The following PPP2R2C variants were observed in gnomAD, a reference collection of about 807,000 sequenced individuals.
PPP2R2C encodes protein phosphatase 2, regulatory subunit B, gamma.
In PPP2R2C, 10 loss-of-function variants were observed where a neutral mutation model predicts 45.3. The ratio of observed to expected loss-of-function variants is 0.22; its 90% CI spans 0.14 to 0.37. The LOEUF (loss-of-function observed/expected upper bound fraction) is 0.37, where lower values mean the gene tolerates loss of function less well. Among genes scored for constraint, PPP2R2C ranks in the 10% least tolerant of loss-of-function variants. The pLI, the probability that PPP2R2C is intolerant of heterozygous loss-of-function variation, is 1.00. For synonymous variants in PPP2R2C, 257 were observed against 245.4 expected (o/e 1.05, Z -0.44); for missense variants, 308 against 619.7 (o/e 0.50, Z 5.34).
At chr4:6,369,620 T>C (rs1240104036) in intron 5 of PPP2R2C, among the ~76,000 whole-genome samples, 1 of 152,172 alleles carries the variant, frequency 6.6e-6, no homozygotes, top group Non-Finnish European at 1.5e-5. Flanking sequence ...GCCTGCACCA[T>C]CCACAGTGCC....
At chr4:6,395,149 C>T (rs768515288) in intron 1 of PPP2R2C, among the ~76,000 whole-genome samples, 1 of 152,130 alleles carries the variant, frequency 6.6e-6, no homozygotes, top group Non-Finnish European at 1.5e-5. Flanking sequence ...CATCCGATGG[C>T]CCTCCCTAAA....
chr4:6,360,445 A>G (rs927276607), intron 5 of PPP2R2C, among the ~76,000 whole-genome samples: 8 of 152,246 alleles, frequency 5.3e-5, no homozygotes, highest in Non-Finnish European at 1.0e-4. Flanking sequence ...CACCGATTTC[A>G]CCGAGCACAG....
At chr4:6,483,149 T>A (rs73207869) in intron 2 of PPP2R2C, among the ~76,000 whole-genome samples, 53,295 of 129,166 alleles carry the variant, frequency 0.41, 10,314 homozygotes, top group Admixed American at 0.5. Flanking sequence ...ATAGATTGAT[T>A]GATTGATAGA....
rs10606346 is a variant in PPP2R2C at position 6,321,668 on chromosome 4, CA to C, written c.*1633del. ...TGTAAAAAACAAAACAAAACAAAAC[CA>C]AAAAAAAAGTTTGGATTTGGCTGGG... On this transcript the variant is annotated 3_prime_UTR_variant, in exon 9 of 9. Coordinates refer to ENST00000382599, the MANE Select transcript of PPP2R2C (RefSeq NM_020416.4). 71,938 of 151,514 alleles carry C rather than the reference CA, an allele frequency of 0.47. 17,962 individuals are homozygous for C. The highest frequency in any genetic ancestry group is 0.85 in the East Asian group (4,352 of 5,128). 9.4% of individuals were successfully genotyped at this position (151,514 alleles called of 1,614,324 possible).
At chr4:6,461,691 T>G (rs1009536632) in intron 1 of PPP2R2C, among the ~76,000 whole-genome samples, 5 of 152,176 alleles carry the variant, frequency 3.3e-5, no homozygotes, top group African/African-American at 1.2e-4. Flanking sequence ...GCCCCTGGAA[T>G]GTGGGGATTT....
At chr4:6,485,486 G>A (rs906544581) in intron 2 of PPP2R2C, among the ~76,000 whole-genome samples, 14 of 151,792 alleles carry the variant, frequency 9.2e-5, no homozygotes, top group Non-Finnish European at 1.5e-4. Context: ...CATCAGTAAC[G>A]TCATCTGGGC....
chr4:6,447,639 G>A (rs1243348813), intron 1 of PPP2R2C, among the ~76,000 whole-genome samples: 2 of 150,732 alleles, frequency 1.3e-5, no homozygotes, highest in African/African-American at 4.9e-5. Flanking sequence ...TTAATGAAAA[G>A]GAGGAAACTG....
chr4:6,351,027 A>G lies in PPP2R2C; in HGVS notation c.626-3017T>C, dbSNP rs1016380009. On this transcript the variant is annotated intron_variant, in intron 5 of 8. Coordinates refer to ENST00000382599, the MANE Select transcript of PPP2R2C (RefSeq NM_020416.4). ...AACTTTTCAAAGTATGTAGGAGGCC[A>G]GGCACCAGAGCTCACACCTGTAATC... 5 of 985,252 alleles carry G rather than the reference A, an allele frequency of 5.1e-6. No homozygotes were observed. The African/African-American group carries it at 8.7e-5, about 17-fold the overall frequency. 61.0% of individuals were successfully genotyped at this position (985,252 alleles called of 1,614,324 possible). A position where few individuals can be genotyped will look rare whatever the true frequency, so the allele number is the denominator to read the frequency against.
chr4:6,454,569 C>T (rs866676151), intron 1 of PPP2R2C, among the ~76,000 whole-genome samples: 16 of 152,312 alleles, frequency 1.1e-4, no homozygotes, highest in Middle Eastern at 6.8e-3. Context: ...ATCAGTCCAC[C>T]CACCAGCTTG....
chr4:6,409,685 C>A (rs555431491), intron 1 of PPP2R2C, among the ~76,000 whole-genome samples: 2 of 152,274 alleles, frequency 1.3e-5, no homozygotes, highest in African/African-American at 4.8e-5. Flanking sequence ...GGCTGCCACC[C>A]CCCCATATCC....
intron 2 of PPP2R2C, among the ~76,000 whole-genome samples, chr4:6,510,985 AAAAACAAACAAAC>A (rs1418716312): frequency 1.3e-5 from 1 of 76,522 alleles, no homozygotes; most frequent in African/African-American, 4.5e-5. Flanking sequence ...TCAAACAAAA[AAAAACAAACAAAC>A]AAAAAAAAAA....
intron 1 of PPP2R2C, among the ~76,000 whole-genome samples, chr4:6,561,501 C>T (rs911930599): frequency 2.6e-5 from 4 of 152,086 alleles, no homozygotes; most frequent in African/African-American, 4.8e-5. Flanking sequence ...GGACTTGCAC[C>T]TTTTACTCCA....
intron 1 of PPP2R2C, among the ~76,000 whole-genome samples, chr4:6,456,340 T>G (rs73083384): frequency 0.037 from 5,156 of 140,780 alleles, 295 homozygotes; most frequent in African/African-American, 0.12. Context: ...TGTCTACACG[T>G]TCAAACGTTT....
At position 6,537,297 on chromosome 4, in the gene PPP2R2C, G is replaced by C. The variant is rs111631997; in HGVS notation, c.-58-1920C>G. Among the ~76,000 whole-genome samples, 215 of 152,284 alleles carry C rather than the reference G, an allele frequency of 1.4e-3. 2 individuals are homozygous for C. The highest frequency in any genetic ancestry group is 5.6e-3 in the South Asian group (27 of 4,822). ...AGGACACACACATAAATGCTCATCA[G>C]TGCAGAGAAATGTCTGGAGGATGCA... is the stretch of plus-strand genomic sequence containing the variant. On this transcript the variant is annotated intron_variant, in intron 1 of 9. Transcript: ENST00000506140.
At chr4:6,500,736 C>T (rs1019937705) in intron 2 of PPP2R2C, among the ~76,000 whole-genome samples, 3 of 152,238 alleles carry the variant, frequency 2.0e-5, no homozygotes, top group African/African-American at 2.4e-5. Flanking sequence ...AGCCCAAGGG[C>T]CTTGCATGGT....
At chr4:6,481,583 T>C (rs1434515724) in intron 2 of PPP2R2C, among the ~76,000 whole-genome samples, 2 of 152,228 alleles carry the variant, frequency 1.3e-5, no homozygotes, top group Non-Finnish European at 2.9e-5. Flanking sequence ...CAATATCAAG[T>C]AGGTCAAATG....
intron 1 of PPP2R2C, among the ~76,000 whole-genome samples, chr4:6,447,884 C>CA (rs1720516057): frequency 6.6e-6 from 1 of 152,174 alleles, no homozygotes; most frequent in Non-Finnish European, 1.5e-5. Context: ...GTCGCCAGCT[C>CA]CTTTCCCACA....
intron 1 of PPP2R2C, among the ~76,000 whole-genome samples, chr4:6,432,834 T>G (rs1478628392): frequency 6.6e-6 from 1 of 152,160 alleles, no homozygotes; most frequent in African/African-American, 2.4e-5. Flanking sequence ...AGCTGAGCTG[T>G]GAGGGTCACT....
intron 1 of PPP2R2C, among the ~76,000 whole-genome samples, chr4:6,546,558 C>A (rs1172977730): frequency 6.6e-6 from 1 of 152,184 alleles, no homozygotes; most frequent in Non-Finnish European, 1.5e-5. Context: ...TCTGACAAAG[C>A]CTTCTCAGGC....
Sources: allele counts gnomAD v4.1 joint callset (sites outside exome capture counted in the v4.1 genomes callset), GRCh38; gene constraint gnomAD v4.1.1; transcripts MANE v1.5; gene names NCBI Gene and HGNC (gene_info 2026-07-23, HGNC 2026-07-21).